Variants in ZNF782 observed in about 807,000 individuals in gnomAD.
The protein encoded by ZNF782 is zinc finger protein 782.
A neutral mutation model predicts 13.0 loss-of-function variants in ZNF782; 12 were observed. The observed-to-expected ratio is 0.92, with a 90% confidence interval of 0.59 to 1.50. The LOEUF (loss-of-function observed/expected upper bound fraction) is 1.50. ZNF782 is among the 40% of genes most tolerant of loss of function. The pLI, the probability that ZNF782 is intolerant of heterozygous loss-of-function variation, is 0.00. For missense variants in ZNF782, 770 were observed against 822.9 expected, an observed-to-expected ratio of 0.94 and a Z score of 0.79; for synonymous variants, 284 against 283.0, an observed-to-expected ratio of 1.00 and a Z score of -0.04.
the ZNF782 span, among the ~76,000 whole-genome samples, chr9:96,931,135 G>A: frequency 2.6e-5 from 4 of 151,972 alleles, no homozygotes; most frequent in African/African-American, 7.3e-5. Flanking sequence ...TGATCCACCC[G>A]CCTGGGCCTC....
the ZNF782 span, among the ~76,000 whole-genome samples, chr9:96,917,770 A>G: frequency 6.6e-6 from 1 of 151,562 alleles, no homozygotes; most frequent in African/African-American, 2.4e-5. Flanking sequence ...TTTGCCCAGA[A>G]TGCAGCACAG....
Position 96,861,285 on chromosome 9 carries a change from A to G in ZNF782, c.-381+243T>C, listed in dbSNP as rs552953306. Among the ~76,000 whole-genome samples, 12 of 152,338 alleles carry G rather than the reference A, an allele frequency of 7.9e-5. No homozygotes were observed. In the South Asian group the frequency reaches 1.0e-3, roughly 13 times the overall value. On this transcript the variant is annotated intron_variant, in intron 2 of 5. Transcript: ENST00000498811. ...AAGCTTCTGCACAGCAAAAGAAACA[A>G]TCAGCAAAGTGAAGAGACAACCCAC...
the ZNF782 span, among the ~76,000 whole-genome samples, chr9:96,885,493 G>A: frequency 1.3e-5 from 2 of 152,076 alleles, no homozygotes; most frequent in South Asian, 2.1e-4. Flanking sequence ...GCATGTCAGG[G>A]ATCTATAAGA....
At chr9:96,890,338 C>G in the ZNF782 span, 1 of 152,296 alleles carries the variant, frequency 6.6e-6, no homozygotes, top group African/African-American at 2.4e-5. Context: ...ACTTGTCTAA[C>G]AGAGCATCTC....
At chr9:96,866,804 A>G (rs1241677734) in intron 1 of ZNF782, among the ~76,000 whole-genome samples, 2 of 152,232 alleles carry the variant, frequency 1.3e-5, no homozygotes, top group Non-Finnish European at 2.9e-5. Flanking sequence ...CAAGACCTGG[A>G]TGTGAGACAT....
chr9:96,920,879 C>T, the ZNF782 span, among the ~76,000 whole-genome samples: 1 of 146,996 alleles, frequency 6.8e-6, no homozygotes, highest in African/African-American at 2.7e-5. Flanking sequence ...CTCGCTACTG[C>T]ACTCCAGCCC....
intron 1 of ZNF782, chr9:96,861,655 A>G (rs1254189145): frequency 6.5e-6 from 1 of 154,216 alleles, no homozygotes; most frequent in Non-Finnish European, 1.5e-5. Context: ...ATATGAAAAG[A>G]TACTCAACAT....
At chr9:96,931,628 C>T in the ZNF782 span, 1 of 1,371,360 alleles carries the variant, frequency 7.3e-7, no homozygotes. Context: ...TTCCCTGTCA[C>T]ATGCCCTCAG....
At chr9:96,865,728 T>A (rs1401674681) in intron 1 of ZNF782, among the ~76,000 whole-genome samples, 1 of 152,196 alleles carries the variant, frequency 6.6e-6, no homozygotes, top group Non-Finnish European at 1.5e-5. Flanking sequence ...CGTTTGGAAC[T>A]CTCTAGAGAC....
upstream of ZNF782, among the ~76,000 whole-genome samples, chr9:96,879,098 C>T (rs1487818330): frequency 6.6e-6 from 1 of 152,144 alleles, no homozygotes; most frequent in Non-Finnish European, 1.5e-5. Context: ...TATTGAAAAC[C>T]TGCTGTGTGA....
chr9:96,872,230 T>C (rs1002905138), intron 1 of ZNF782, among the ~76,000 whole-genome samples: 3 of 152,222 alleles, frequency 2.0e-5, no homozygotes, highest in African/African-American at 7.2e-5. Context: ...TAATAAACTT[T>C]TAATTAAAAT....
intron 5 of ZNF782, among the ~76,000 whole-genome samples, chr9:96,824,054 T>C (rs957851865): frequency 1.3e-5 from 2 of 152,132 alleles, no homozygotes; most frequent in Non-Finnish European, 2.9e-5. Flanking sequence ...ACTCATTTTA[T>C]GAGGCCAGCA....
intron 4 of ZNF782, among the ~76,000 whole-genome samples, chr9:96,830,343 T>C (rs1439503126): frequency 6.6e-6 from 1 of 152,120 alleles, no homozygotes; most frequent in Non-Finnish European, 1.5e-5. Flanking sequence ...GGCTGAGACA[T>C]GTCTCCAAGC....
the ZNF782 span, chr9:96,928,874 C>T: frequency 3.8e-6 from 3 of 787,062 alleles, no homozygotes; most frequent in Non-Finnish European, 6.0e-6. Flanking sequence ...GTCTGGGGTC[C>T]TGTGTTCCAA....
At chr9:96,842,599 A>G (rs1851221791) in intron 4 of ZNF782, among the ~76,000 whole-genome samples, 1 of 152,086 alleles carries the variant, frequency 6.6e-6, no homozygotes, top group Non-Finnish European at 1.5e-5. Flanking sequence ...ATTAAAATGT[A>G]AAATATATTA....
the ZNF782 span, chr9:96,888,564 T>C: frequency 6.6e-6 from 1 of 152,200 alleles, no homozygotes; most frequent in Admixed American, 6.5e-5. Flanking sequence ...TGTGTTTGAT[T>C]ATGAGAAATG....
upstream of ZNF782, among the ~76,000 whole-genome samples, chr9:96,877,528 G>C (rs1336120897): frequency 1.3e-5 from 2 of 152,262 alleles, no homozygotes. Flanking sequence ...TCCTCCGCGC[G>C]TCTCCCGCCT....
the ZNF782 span, chr9:96,931,837 G>A: frequency 6.2e-6 from 10 of 1,612,352 alleles, no homozygotes; most frequent in African/African-American, 1.1e-4. Flanking sequence ...CGCCCCTCGT[G>A]ACTGCAGTGG....
the ZNF782 span, among the ~76,000 whole-genome samples, chr9:96,881,131 C>T: frequency 1.3e-5 from 2 of 152,058 alleles, no homozygotes; most frequent in South Asian, 2.1e-4. Flanking sequence ...TTCTGCCTAA[C>T]GTTGGTAATT....
Sources: allele counts gnomAD v4.1 joint callset (sites outside exome capture counted in the v4.1 genomes callset), GRCh38; gene constraint gnomAD v4.1.1; transcripts MANE v1.5; gene names NCBI Gene and HGNC (gene_info 2026-07-23, HGNC 2026-07-21).